The following SLC35F1 variants were observed in gnomAD, a reference collection of about 807,000 sequenced individuals.
The protein encoded by SLC35F1 is chromosome 6 open reading frame 169.
Under a neutral mutation model 48.7 loss-of-function variants are expected in SLC35F1, and 14 were observed. The ratio of observed to expected loss-of-function variants is 0.29; its 90% CI spans 0.19 to 0.45. The LOEUF (loss-of-function observed/expected upper bound fraction) is 0.45, where lower values mean the gene tolerates loss of function less well. SLC35F1 is among the 20% of genes least tolerant of loss of function. SLC35F1 has a pLI of 1.00. For synonymous variants in SLC35F1, 190 were observed against 202.2 expected (o/e 0.94, Z 0.51); for missense variants, 404 against 500.0 (o/e 0.81, Z 1.83).
chr6:117,922,663 A>C (rs375813607), intron 1 of SLC35F1, among the ~76,000 whole-genome samples: 1 of 152,228 alleles, frequency 6.6e-6, no homozygotes, highest in African/African-American at 2.4e-5. Context: ...GCATTACTTG[A>C]AGGCATCTTT....
intron 1 of SLC35F1, among the ~76,000 whole-genome samples, chr6:118,009,919 G>A (rs1021311088): frequency 6.6e-6 from 1 of 152,114 alleles, no homozygotes; most frequent in African/African-American, 2.4e-5. Flanking sequence ...TGACAAAGAA[G>A]TTTCGTTGTT....
chr6:118,270,814 A>C (rs1043311495), intron 4 of SLC35F1, among the ~76,000 whole-genome samples: 1 of 152,200 alleles, frequency 6.6e-6, no homozygotes, highest in African/African-American at 2.4e-5. Flanking sequence ...AGTAAAGTTG[A>C]AAAGATTCAG....
intron 2 of SLC35F1, among the ~76,000 whole-genome samples, chr6:118,208,554 C>A (rs911552137): frequency 1.1e-4 from 17 of 151,970 alleles, no homozygotes; most frequent in African/African-American, 4.1e-4. Context: ...TTAAAATAAC[C>A]CTTTTATTAT....
intron 2 of SLC35F1, among the ~76,000 whole-genome samples, chr6:118,213,897 G>C (rs1180296667): frequency 6.6e-6 from 1 of 152,078 alleles, no homozygotes; most frequent in African/African-American, 2.4e-5. Context: ...TGGATGTGAA[G>C]GAAAGTGAAC....
At chr6:118,152,871 G>A (rs147468937) in intron 1 of SLC35F1, among the ~76,000 whole-genome samples, 3 of 151,100 alleles carry the variant, frequency 2.0e-5, no homozygotes, top group African/African-American at 7.3e-5. Flanking sequence ...GCATTCTGTG[G>A]GGAACTATTG....
intron 1 of SLC35F1, among the ~76,000 whole-genome samples, chr6:118,127,120 T>C (rs2114413523): frequency 6.6e-6 from 1 of 150,438 alleles, no homozygotes; most frequent in Admixed American, 6.6e-5. Flanking sequence ...TGTGGGTTTG[T>C]CATAGATAGC....
intron 6 of SLC35F1, among the ~76,000 whole-genome samples, chr6:118,282,889 C>T (rs1253159407): frequency 6.6e-6 from 1 of 152,168 alleles, no homozygotes; most frequent in African/African-American, 2.4e-5. Flanking sequence ...ATTGTGACAC[C>T]GCCATTCTAA....
At chr6:118,255,607 C>A (rs556524312) in intron 3 of SLC35F1, among the ~76,000 whole-genome samples, 1 of 152,140 alleles carries the variant, frequency 6.6e-6, no homozygotes. Context: ...TCTTTCTTTT[C>A]TCCTTTGAGA....
intron 1 of SLC35F1, among the ~76,000 whole-genome samples, chr6:118,022,872 T>A (rs1021239806): frequency 5.3e-5 from 8 of 150,480 alleles, no homozygotes; most frequent in Non-Finnish European, 1.0e-4. Context: ...TGCCTCAGCC[T>A]CCTGAGTAGC....
chr6:118,049,807 C>T lies in SLC35F1; in HGVS notation c.174-104638C>T, dbSNP rs534609681. 1.7e-3 allele frequency among the ~76,000 whole-genome samples: 254 copies of T among 151,828 alleles called. 1 individual carries two copies. The highest frequency in any genetic ancestry group is 2.7e-3 in the Non-Finnish European group (182 of 67,864). ...TCAACCATTGTGGAAGTCAGTGTGG[C>T]GATTCCTCAGGGATCTAGAACTAGA... On this transcript the variant is annotated intron_variant, in intron 1 of 7. Transcript: ENST00000360388.
At chr6:117,977,231 C>T (rs1370930804) in intron 1 of SLC35F1, among the ~76,000 whole-genome samples, 1 of 149,022 alleles carries the variant, frequency 6.7e-6, no homozygotes, top group East Asian at 2.0e-4. Context: ...GAGTCTCTCT[C>T]CCTCACCCAG....
chr6:117,985,278 A>C (rs1237018425), intron 1 of SLC35F1, among the ~76,000 whole-genome samples: 1 of 152,238 alleles, frequency 6.6e-6, no homozygotes, highest in African/African-American at 2.4e-5. Flanking sequence ...TCCTGAGTCA[A>C]ATTAGCCCCT....
intron 1 of SLC35F1, among the ~76,000 whole-genome samples, chr6:118,011,351 G>A (rs1174874633): frequency 1.3e-5 from 2 of 152,156 alleles, no homozygotes; most frequent in Non-Finnish European, 2.9e-5. Flanking sequence ...GGAAGGTGAA[G>A]GGGAAGCAGG....
chr6:118,212,767 G>GAAGGA (rs1481790435), intron 2 of SLC35F1, among the ~76,000 whole-genome samples: 1 of 149,054 alleles, frequency 6.7e-6, no homozygotes, highest in African/African-American at 2.5e-5. Context: ...AGGAAGGAAG[G>GAAGGA]AAGGAAGGAA....
chr6:118,013,096 G>C (rs1777273190), intron 1 of SLC35F1, among the ~76,000 whole-genome samples: 1 of 152,142 alleles, frequency 6.6e-6, no homozygotes, highest in Non-Finnish European at 1.5e-5. Context: ...GCAGCTCAAT[G>C]AAGAGTTGTT....
chr6:118,222,359 T>C (rs559097417), intron 2 of SLC35F1, among the ~76,000 whole-genome samples: 31 of 152,262 alleles, frequency 2.0e-4, no homozygotes, highest in African/African-American at 7.5e-4. Context: ...ACATTTCCCA[T>C]ATTGGTAGTT....
At chr6:118,191,504 C>T (rs968091711) in intron 2 of SLC35F1, among the ~76,000 whole-genome samples, 1 of 152,148 alleles carries the variant, frequency 6.6e-6, no homozygotes, top group African/African-American at 2.4e-5. Flanking sequence ...TTAAGCATTC[C>T]AATGGGTGTA....
In SLC35F1 at chr6:118,111,717, TAAC is replaced by T. The variant is rs776809705; in HGVS notation, c.174-42725_174-42723del. 1.1e-4 allele frequency among the ~76,000 whole-genome samples: 16 copies of T among 152,284 alleles called. No individual in the cohort carries two copies. In the East Asian group the frequency reaches 1.5e-3, roughly 15 times the overall value. On this transcript the variant is annotated intron_variant, in intron 1 of 7. Coordinates refer to ENST00000360388, the MANE Select transcript of SLC35F1 (RefSeq NM_001029858.4). ...TGTTATTCTTAATTGATCTAACAGATAACAATGTATTTAAAAGAATAAGAGAAA... is the reference window on the plus strand; with the variant it reads ...TGTTATTCTTAATTGATCTAACAGATAATGTATTTAAAAGAATAAGAGAAA...
Position 117,999,015 on chromosome 6 carries a change from G to A in SLC35F1, c.173+91116G>A, listed in dbSNP as rs924154324. On this transcript the variant is annotated intron_variant, in intron 1 of 7. Transcript: ENST00000360388. ...AACCACACCACACACAACCAGTCCCGAAAATGGCACAGAAATGGTATCAAG... is the reference window on the plus strand; with the variant it reads ...AACCACACCACACACAACCAGTCCCAAAAATGGCACAGAAATGGTATCAAG... 5.8e-5 allele frequency: 83 copies of A among 1,429,156 alleles called. 1 individual carries two copies. The Middle Eastern group carries it at 6.7e-4, about 11-fold the overall frequency. The allele number at this position is 1,429,156 out of a possible 1,614,324, so 88.5% of individuals were successfully genotyped here. A position where few individuals can be genotyped will look rare whatever the true frequency, so the allele number is the denominator to read the frequency against.
Sources: gnomAD v4.1 joint callset for allele counts (sites outside exome capture counted in the v4.1 genomes callset) on GRCh38, gnomAD v4.1.1 for gene constraint, MANE v1.5 for transcripts, NCBI Gene and HGNC (gene_info 2026-07-23, HGNC 2026-07-21) for gene names.